The following AGPS variants were observed in gnomAD, a reference collection of about 807,000 sequenced individuals.
The protein encoded by AGPS is alkyldihydroxyacetonephosphate synthase, peroxisomal.
A neutral mutation model predicts 90.7 loss-of-function variants in AGPS; 26 were observed. The ratio of observed to expected loss-of-function variants is 0.29; its 90% confidence interval spans 0.21 to 0.40. AGPS has a LOEUF of 0.40. Ranked by LOEUF, AGPS falls within the 10% of genes least tolerant of loss-of-function variation. The pLI is 1.00. For missense variants in AGPS, 540 were observed against 816.1 expected, an observed-to-expected ratio of 0.66 and a Z score of 4.12; for synonymous variants, 294 against 285.3, an observed-to-expected ratio of 1.03 and a Z score of -0.31.
chr2:177,491,769 C>T (rs920060680), intron 11 of AGPS, among the ~76,000 whole-genome samples: 1 of 120,806 alleles, frequency 8.3e-6, no homozygotes, highest in Non-Finnish European at 1.7e-5. Flanking sequence ...TTCCCCCCCC[C>T]CCCCTTTTTT....
In AGPS at chr2:177,466,450, G is replaced by C. The variant is rs572364613; in HGVS notation, c.997-1966G>C. Among the ~76,000 whole-genome samples, 256 of 152,352 alleles carry C rather than the reference G, an allele frequency of 1.7e-3. 1 individual carries two copies. The highest frequency in any genetic ancestry group is 0.014 in the Middle Eastern group (4 of 294). On this transcript the variant is annotated intron_variant, in intron 9 of 19. Coordinates refer to ENST00000264167, the MANE Select transcript of AGPS (RefSeq NM_003659.4). Reference sequence around the variant, plus strand: ...GCCCCCAGGCGTCAGGCCCTCCCTGGCTTGAAGGTGGGGTTTCACCGGGGA... The same window carrying C: ...GCCCCCAGGCGTCAGGCCCTCCCTGCCTTGAAGGTGGGGTTTCACCGGGGA...
chr2:177,401,003 G>A (rs1056443366), intron 1 of AGPS, among the ~76,000 whole-genome samples: 1 of 152,230 alleles, frequency 6.6e-6, no homozygotes, highest in Non-Finnish European at 1.5e-5. Flanking sequence ...ATACTATGGA[G>A]TGGATATTTT....
At chr2:177,464,590 G>C (rs1176428416) in intron 9 of AGPS, among the ~76,000 whole-genome samples, 1 of 152,148 alleles carries the variant, frequency 6.6e-6, no homozygotes, top group Non-Finnish European at 1.5e-5. Context: ...CTTAAATTCT[G>C]GTTCCCACTT....
Position 177,446,128 on chromosome 2 carries a change from G to A in AGPS, c.870+502G>A, listed in dbSNP as rs551259283. Among the ~76,000 whole-genome samples, 3 of 148,838 alleles carry A rather than the reference G, an allele frequency of 2.0e-5. No homozygotes were observed. The Admixed American group carries it at 2.1e-4, about 10-fold the overall frequency. On this transcript the variant is annotated intron_variant, in intron 8 of 19. Transcript: ENST00000264167. ...TCCAGAGGAAGGAGCATACATGCAG[G>A]GCTTCTCAGGGTGACTGTTACTTTT...
intron 1 of AGPS, among the ~76,000 whole-genome samples, chr2:177,403,311 G>A (rs1390212074): frequency 2.0e-5 from 3 of 152,188 alleles, no homozygotes; most frequent in Non-Finnish European, 4.4e-5. Flanking sequence ...GATTGGAAGA[G>A]TATTGTTCTA....
At chr2:177,415,789 G>A (rs17591276) in intron 1 of AGPS, among the ~76,000 whole-genome samples, 6,507 of 151,930 alleles carry the variant, frequency 0.043, 198 homozygotes, top group Non-Finnish European at 0.063. Context: ...ATGATGAAAA[G>A]TAAAACTGTA....
chr2:177,487,866 A>G (rs568395136), intron 11 of AGPS, among the ~76,000 whole-genome samples: 1 of 152,298 alleles, frequency 6.6e-6, no homozygotes, highest in Admixed American at 6.5e-5. Context: ...GAAAAACTAT[A>G]AAGTTATAAT....
chr2:177,445,844 T>C (rs1686752685), intron 8 of AGPS, among the ~76,000 whole-genome samples: 1 of 152,208 alleles, frequency 6.6e-6, no homozygotes, highest in Admixed American at 6.5e-5. Context: ...CATTGTCTGC[T>C]ACCTTCAGGT....
intron 2 of AGPS, among the ~76,000 whole-genome samples, chr2:177,425,546 G>A (rs989878285): frequency 1.3e-4 from 20 of 151,494 alleles, no homozygotes; most frequent in Non-Finnish European, 2.4e-4. Flanking sequence ...GCTTGAACCC[G>A]GGAGGTGGAG....
At chr2:177,509,665 CAAA>C (rs59032397) in intron 16 of AGPS, among the ~76,000 whole-genome samples, 20 of 120,444 alleles carry the variant, frequency 1.7e-4, no homozygotes, top group Admixed American at 2.5e-4. Context: ...GACTCCATCT[CAAA>C]AAAAAAAAAA....
chr2:177,494,327 T>C (rs1688351062), intron 12 of AGPS, among the ~76,000 whole-genome samples: 1 of 152,220 alleles, frequency 6.6e-6, no homozygotes, highest in South Asian at 2.1e-4. Flanking sequence ...TGTTTATTTC[T>C]TTAAGTAAAT....
intron 19 of AGPS, among the ~76,000 whole-genome samples, chr2:177,536,880 G>A (rs1409791320): frequency 6.6e-6 from 1 of 152,124 alleles, no homozygotes; most frequent in African/African-American, 2.4e-5. Flanking sequence ...GCTCGAAATG[G>A]TATTTAAGGT....
In AGPS at chr2:177,539,709, G is replaced by T. The variant is rs2079215162; in HGVS notation, c.*1514G>T. ...AATGATATTTTTAAGACTTCAAAAT[G>T]ATAAATAATTTTTAACTATTAAAAT... On this transcript the variant is annotated 3_prime_UTR_variant, in exon 20 of 20. Transcript: ENST00000264167. 6.6e-6 allele frequency: 1 copy of T among 151,816 alleles called. No individual in the cohort carries two copies. The highest frequency in any genetic ancestry group is 1.5e-5 in the Non-Finnish European group (1 of 67,860). The allele number at this position is 151,816 out of a possible 1,614,324, so 9.4% of individuals were successfully genotyped here. A position where few individuals can be genotyped will look rare whatever the true frequency, so the allele number is the denominator to read the frequency against.
At chr2:177,435,142 A>T (rs1559044653) in intron 3 of AGPS, among the ~76,000 whole-genome samples, 1 of 151,518 alleles carries the variant, frequency 6.6e-6, no homozygotes, top group African/African-American at 2.4e-5. Flanking sequence ...GCTGTAGCAT[A>T]GTATTCTGTA....
chr2:177,540,548 T>A lies in AGPS; in HGVS notation c.*2353T>A, dbSNP rs947753822. The A allele has an allele frequency of 1.3e-5, 2 of 152,012 alleles. No homozygotes were observed. Among genetic ancestry groups the A allele is most frequent in the Non-Finnish European group, 2.9e-5 (2 of 67,962 alleles). 9.4% of individuals were successfully genotyped at this position (152,012 alleles called of 1,614,324 possible). ...TGGTATCTGTGAAGGACTGAGTTCA[T>A]GAATATGCACAGAAGCACTTAAACC... On this transcript the variant is annotated 3_prime_UTR_variant, in exon 20 of 20. Transcript: ENST00000264167.
rs536444970 is a variant in AGPS, at chr2:177,488,749, G to T, written c.1234-4399G>T. On this transcript the variant is annotated intron_variant, in intron 11 of 19. Coordinates refer to ENST00000264167, the MANE Select transcript of AGPS (RefSeq NM_003659.4). ...GTAGTCTCTAGGCTCAAGAATTTGG[G>T]CTGTTCCAGAGTCTACATAGGATGT... Among the ~76,000 whole-genome samples the T allele has an allele frequency of 6.4e-4, 98 of 152,256 alleles. 1 individual carries two copies. In the South Asian group the frequency reaches 0.019, roughly 30 times the overall value.
At chr2:177,516,496 C>T (rs1467715018) in intron 17 of AGPS, among the ~76,000 whole-genome samples, 4 of 152,046 alleles carry the variant, frequency 2.6e-5, no homozygotes, top group Non-Finnish European at 5.9e-5. Flanking sequence ...TAGAGTTGAT[C>T]TATTGTAAAA....
chr2:177,541,065 T>C lies in AGPS; in HGVS notation c.*2870T>C, dbSNP rs2079230424. 6.6e-6 allele frequency: 1 copy of C among 152,168 alleles called. No homozygotes were observed. The highest frequency in any genetic ancestry group is 6.6e-5 in the Admixed American group (1 of 15,262). 9.4% of individuals were successfully genotyped at this position (152,168 alleles called of 1,614,324 possible). On this transcript the variant is annotated 3_prime_UTR_variant, in exon 20 of 20. Transcript: ENST00000264167. ...TTCTTCTAAGGAAGTAGGAGTTTTC[T>C]TCCTAAAAGTGCTTACATATTGTAG...
intron 2 of AGPS, among the ~76,000 whole-genome samples, chr2:177,424,437 C>G (rs1428940397): frequency 8.7e-6 from 1 of 114,572 alleles, no homozygotes; most frequent in African/African-American, 3.2e-5. Context: ...ATGCATATAT[C>G]TTTATAATAG....
Sources: gnomAD v4.1 joint callset for allele counts (sites outside exome capture counted in the v4.1 genomes callset) on GRCh38, gnomAD v4.1.1 for gene constraint, MANE v1.5 for transcripts, NCBI Gene and HGNC (gene_info 2026-07-23, HGNC 2026-07-21) for gene names.